PCDH7: variants seen among roughly 807,000 people sequenced by gnomAD.
The protein encoded by PCDH7 is protocadherin-7.
Under a neutral mutation model 58.9 loss-of-function variants are expected in PCDH7, and 17 were observed. The ratio of observed to expected loss-of-function variants is 0.29; its 90% CI spans 0.20 to 0.43. The LOEUF is 0.43. PCDH7 is among the 20% of genes least tolerant of loss of function. The pLI is 1.00. For missense variants in PCDH7, 1,274 were observed against 1,441.0 expected, an observed-to-expected ratio of 0.88 and a Z score of 1.88; for synonymous variants, 664 against 616.4, an observed-to-expected ratio of 1.08 and a Z score of -1.14.
chr4:30,844,541 T>C (rs1251520458), intron 1 of PCDH7, among the ~76,000 whole-genome samples: 1 of 152,168 alleles, frequency 6.6e-6, no homozygotes, highest in Non-Finnish European at 1.5e-5. Context: ...AAGGAACAGC[T>C]TCTATAGTCA....
chr4:31,120,454 T>G (rs1717550405), intron 3 of PCDH7, among the ~76,000 whole-genome samples: 1 of 150,430 alleles, frequency 6.6e-6, no homozygotes, highest in South Asian at 2.1e-4. Flanking sequence ...TTTTTTTTTT[T>G]TTTGGTCAAT....
chr4:31,068,930 G>A (rs2109249506), intron 3 of PCDH7, among the ~76,000 whole-genome samples: 1 of 152,060 alleles, frequency 6.6e-6, no homozygotes, highest in African/African-American at 2.4e-5. Context: ...ATAATTCAGA[G>A]AATAACATTT....
chr4:31,049,340 C>T (rs1463962371), intron 3 of PCDH7, among the ~76,000 whole-genome samples: 1 of 151,984 alleles, frequency 6.6e-6, no homozygotes, highest in Non-Finnish European at 1.5e-5. Context: ...AAGTATAACC[C>T]ATTTCTTCCA....
intron 3 of PCDH7, among the ~76,000 whole-genome samples, chr4:31,117,219 A>T (rs555025396): frequency 6.6e-6 from 1 of 152,208 alleles, no homozygotes; most frequent in South Asian, 2.1e-4. Context: ...GTGTTTTAAA[A>T]TTTTTAGCAA....
chr4:30,824,455 T>A (rs561734960), intron 1 of PCDH7, among the ~76,000 whole-genome samples: 1 of 152,098 alleles, frequency 6.6e-6, no homozygotes, highest in Non-Finnish European at 1.5e-5. Flanking sequence ...ACATCCTTTT[T>A]GGATGGATGG....
chr4:30,873,563 A>G (rs11929796), intron 1 of PCDH7, among the ~76,000 whole-genome samples: 18,448 of 151,884 alleles, frequency 0.12, 1,203 homozygotes, highest in African/African-American at 0.15. Context: ...TCATCTAGCT[A>G]GTTTCTCACT....
chr4:30,863,380 A>T (rs1001497465), intron 1 of PCDH7, among the ~76,000 whole-genome samples: 3 of 152,068 alleles, frequency 2.0e-5, no homozygotes, highest in Non-Finnish European at 2.9e-5. Context: ...TGGTTGTCAC[A>T]TGGAGGGTGG....
intron 3 of PCDH7, among the ~76,000 whole-genome samples, chr4:30,977,328 T>C (rs1405773007): frequency 6.6e-6 from 1 of 152,204 alleles, no homozygotes; most frequent in Admixed American, 6.5e-5. Flanking sequence ...TTTCCTCTTT[T>C]TCCTGACCTA....
chr4:30,889,882 C>T (rs565200808), intron 1 of PCDH7, among the ~76,000 whole-genome samples: 3 of 152,282 alleles, frequency 2.0e-5, no homozygotes, highest in South Asian at 4.1e-4. Context: ...ACCATAGCAG[C>T]ATCATACTGG....
chr4:31,052,816 T>C (rs556976643), intron 3 of PCDH7, among the ~76,000 whole-genome samples: 3 of 152,272 alleles, frequency 2.0e-5, no homozygotes, highest in East Asian at 3.9e-4. Flanking sequence ...TTCAAACTAT[T>C]CTAAGGAGAA....
At chr4:30,934,310 T>C (rs1394258162) in intron 2 of PCDH7, among the ~76,000 whole-genome samples, 1 of 152,196 alleles carries the variant, frequency 6.6e-6, no homozygotes, top group Admixed American at 6.5e-5. Context: ...GGTTTAGAGA[T>C]CCCTGTGTGT....
intron 3 of PCDH7, 91 bp from the exon 3 acceptor site, chr4:31,142,382 T>C (rs1720372051): frequency 9.2e-7 from 1 of 1,088,952 alleles, no homozygotes. Context: ...TGGTAAGGAA[T>C]ATATTTATAT....
Position 30,894,314 on chromosome 4 carries a change from A to G in PCDH7, c.71-25839A>G, listed in dbSNP as rs1017153904. ...TATTAAGTCGGGGAGTTGTTAGAAG[A>G]AAATAGTATCACTGTCTGTGGCAAA... On this transcript the variant is annotated intron_variant, in intron 1 of 3. Transcript: ENST00000509759. Among the ~76,000 whole-genome samples, 16 of 151,244 alleles carry G rather than the reference A, an allele frequency of 1.1e-4. No individual in the cohort carries two copies. The South Asian group carries it at 3.1e-3, about 30-fold the overall frequency.
intron 3 of PCDH7, among the ~76,000 whole-genome samples, chr4:31,111,396 C>A (rs1202502534): frequency 6.6e-6 from 1 of 151,806 alleles, no homozygotes; most frequent in Non-Finnish European, 1.5e-5. Flanking sequence ...CAACCTCAGC[C>A]TCCCAGGTTC....
chr4:30,912,938 A>G (rs1433855510), intron 1 of PCDH7, among the ~76,000 whole-genome samples: 1 of 152,048 alleles, frequency 6.6e-6, no homozygotes, highest in Non-Finnish European at 1.5e-5. Context: ...GTGGGACATA[A>G]TATTTGCTTT....
At chr4:30,946,195 T>A (rs1746654337) in intron 2 of PCDH7, among the ~76,000 whole-genome samples, 1 of 152,282 alleles carries the variant, frequency 6.6e-6, no homozygotes, top group Admixed American at 6.5e-5. Flanking sequence ...AATACTGTCA[T>A]CAGGAATATT....
chr4:30,740,704 A>G (rs888908292), intron 1 of PCDH7, among the ~76,000 whole-genome samples: 1 of 152,044 alleles, frequency 6.6e-6, no homozygotes, highest in Non-Finnish European at 1.5e-5. Context: ...ATCTTTCACA[A>G]TGTTTGAAAG....
chr4:31,098,155 C>T (rs913005898), intron 3 of PCDH7, among the ~76,000 whole-genome samples: 4 of 152,114 alleles, frequency 2.6e-5, no homozygotes, highest in South Asian at 2.1e-4. Context: ...GCTTCCCCCA[C>T]GCAGGGATGT....
In PCDH7 at chr4:30,722,368, G is replaced by A. The variant is rs755311983; in HGVS notation, c.946G>A (p.Asp316Asn). The A allele has an allele frequency of 6.2e-7, 1 of 1,612,496 alleles. No individual in the cohort carries two copies. The highest frequency in any genetic ancestry group is 1.1e-5 in the South Asian group (1 of 91,054). Residue 316 changes from aspartate (D) to asparagine (N), a missense_variant, in exon 1 of 2, where the codon GAC becomes AAC. Asp to Asn is a conservative substitution (Grantham distance 23, BLOSUM62 1). Coordinates refer to ENST00000361762, the Ensembl canonical transcript of PCDH7. This position sits in a 1 kb window ranked among gnomAD's most constrained non-coding sequence, Gnocchi z 7.6. ...CTTCGAGAAGAGCGTGTACGAGGCCGACTTGGCTGAGAACAGCGCCCCGGG... is the reference window on the plus strand; with the variant it reads ...CTTCGAGAAGAGCGTGTACGAGGCCAACTTGGCTGAGAACAGCGCCCCGGG...
Sources: gnomAD v4.1 joint callset for allele counts (sites outside exome capture counted in the v4.1 genomes callset) on GRCh38, gnomAD v4.1.1 for gene constraint, Gnocchi (gnomAD v3.1) non-coding constraint, MANE v1.5 for transcripts, NCBI Gene and HGNC (gene_info 2026-07-23, HGNC 2026-07-21) for gene names.